Variants in ZFR observed in about 807,000 individuals in gnomAD.
The protein encoded by ZFR is zinc finger RNA-binding protein.
Under a neutral mutation model 130.7 loss-of-function variants are expected in ZFR, and 19 were observed. That is an observed-to-expected ratio of 0.15 (90% CI 0.10 to 0.21). ZFR has a LOEUF of 0.21. Ranked by LOEUF, ZFR falls within the 10% of genes least tolerant of loss-of-function variation. The pLI is 1.00. For synonymous variants in ZFR, 466 were observed against 456.9 expected (o/e 1.02, Z -0.25); for missense variants, 872 against 1,321.5 (o/e 0.66, Z 5.27).
At chr5:32,365,781 G>A (rs1172423254) in intron 17 of ZFR, among the ~76,000 whole-genome samples, 1 of 151,978 alleles carries the variant, frequency 6.6e-6, no homozygotes, top group Admixed American at 6.5e-5. Flanking sequence ...GCTAATTTTT[G>A]TAGAGATGGG....
At chr5:32,425,394 A>C (rs1028909098) in intron 2 of ZFR, among the ~76,000 whole-genome samples, 2 of 128,218 alleles carry the variant, frequency 1.6e-5, no homozygotes, top group African/African-American at 3.1e-5. Flanking sequence ...CAACAGTCTG[A>C]ATGCAAAAGC....
chr5:32,401,054 T>C (rs1375078299), intron 8 of ZFR, among the ~76,000 whole-genome samples: 4 of 152,210 alleles, frequency 2.6e-5, no homozygotes, highest in African/African-American at 7.2e-5. Context: ...AAACTGAAAG[T>C]ATGAAGAACC....
In ZFR at chr5:32,403,213, G is replaced by T; in HGVS notation, c.1409C>A (p.Thr470Lys). Residue 470 changes from threonine to lysine, a missense_variant, in exon 8 of 20, where the codon ACG (threonine) becomes AAG (lysine). Thr to Lys is a moderately conservative substitution (Grantham distance 78, BLOSUM62 -1). Coordinates refer to ENST00000265069, the MANE Select transcript of ZFR (RefSeq NM_016107.5). ...ATTAAGAGACGAGTTTCCTGTAGTC[G>T]TAAGACCCTTCATTGAAGACGTTGC... ...SVATSSMKGL[T>K]TTGNSSLNST... The T allele has an allele frequency of 1.2e-6, 2 of 1,614,198 alleles. No homozygotes were observed. The highest frequency in any genetic ancestry group is 2.2e-5 in the East Asian group (1 of 44,884).
chr5:32,385,576 T>C lies in ZFR; in HGVS notation c.2573A>G (p.Glu858Gly). The C allele has an allele frequency of 6.2e-7, 1 of 1,613,582 alleles. No homozygotes were observed. Among genetic ancestry groups the C allele is most frequent in the Non-Finnish European group, 8.5e-7 (1 of 1,179,588 alleles). Residue 858 changes from glutamate (E) to glycine (G), a missense_variant, in exon 15 of 20, where the codon GAA becomes GGA. Transcript: ENST00000265069. ...EAAIILNSCVEPKMQVTITLT... is the reference protein window; with the variant it reads ...EAAIILNSCVGPKMQVTITLT... ...TGTGATAGTGACTTGCATTTTGGGT[T>C]CCACACATGAATTCAAAATTATTGC... is the stretch of plus-strand genomic sequence containing the variant.
chr5:32,394,239 G>A (rs1255567238), intron 11 of ZFR: 1 of 160,268 alleles, frequency 6.2e-6, no homozygotes, highest in South Asian at 2.1e-4. Context: ...TAAACAAAAT[G>A]TGGTACATAA....
intron 4 of ZFR, 144 bp downstream of exon 4, chr5:32,417,504 C>A: frequency 1.1e-6 from 1 of 897,732 alleles, no homozygotes. Context: ...GACTCCAAGG[C>A]ATTTAGTAGG....
intron 17 of ZFR, among the ~76,000 whole-genome samples, chr5:32,366,209 A>G (rs954009112): frequency 2.6e-5 from 4 of 152,234 alleles, no homozygotes; most frequent in Non-Finnish European, 4.4e-5. Context: ...AGTAATAATT[A>G]GCAAAATATT....
chr5:32,428,091 G>A (rs1432328283), intron 2 of ZFR, among the ~76,000 whole-genome samples: 1 of 152,128 alleles, frequency 6.6e-6, no homozygotes. Context: ...CAAAAGCACA[G>A]GCAAAAAATT....
At position 32,415,045 on chromosome 5, in the gene ZFR, T is replaced by C. The variant is rs1320173305; in HGVS notation, c.708A>G (p.Pro236=). Residue 236 remains proline (P), a synonymous_variant, in exon 5 of 20, where the codon CCA becomes CCG. Coordinates refer to ENST00000265069, the MANE Select transcript of ZFR (RefSeq NM_016107.5). ...GCACCACAGTAGCCGCAGCTGCTAC[T>C]GGCTGTACGGTGGAGGATACAGGAT... ...SIYPVSSTVQ[P]VAAAATVVPS... 2 of 1,614,152 alleles carry C rather than the reference T, an allele frequency of 1.2e-6. No individual in the cohort carries two copies. Among genetic ancestry groups the C allele is most frequent in the Admixed American group, 1.7e-5 (1 of 60,026 alleles).
rs1455763252 is a variant in ZFR, at chr5:32,388,748, C to T, written c.2143-74G>A. 8.5e-6 allele frequency: 11 copies of T among 1,290,458 alleles called. No individual in the cohort carries two copies. In the Admixed American group the frequency reaches 1.7e-4, roughly 20 times the overall value. The allele number at this position is 1,290,458 out of a possible 1,614,324, so 79.9% of individuals were successfully genotyped here. A position where few individuals can be genotyped will look rare whatever the true frequency, so the allele number is the denominator to read the frequency against. ...AAGCAAATTATATTTTTCAACTATACATATTTGTTGTATCTTTTCAATAAG... is the reference window on the plus strand; with the variant it reads ...AAGCAAATTATATTTTTCAACTATATATATTTGTTGTATCTTTTCAATAAG... On this transcript the variant is annotated intron_variant, in intron 12 of 19. Transcript: ENST00000265069.
At chr5:32,396,610 T>C (rs888796699) in intron 10 of ZFR, among the ~76,000 whole-genome samples, 16 of 152,026 alleles carry the variant, frequency 1.1e-4, no homozygotes, top group Non-Finnish European at 1.8e-4. Flanking sequence ...TGGGGGTGCA[T>C]GCCTGTAATC....
chr5:32,357,884 G>A (rs1374239998), intron 19 of ZFR, among the ~76,000 whole-genome samples: 1 of 152,150 alleles, frequency 6.6e-6, no homozygotes, highest in African/African-American at 2.4e-5. Flanking sequence ...CATCAGGTCT[G>A]TCATACATTA....
intron 2 of ZFR, among the ~76,000 whole-genome samples, chr5:32,442,982 TC>T (rs66464629): frequency 1 from 151,960 of 152,118 alleles, 75,903 homozygotes; most frequent in Middle Eastern, 1. Context: ...GAGGCAGGAC[TC>T]TGCCCAGGAG....
In ZFR at chr5:32,403,401, T is replaced by G. The variant is rs199844679; in HGVS notation, c.1225-4A>C. ...GTTTTGTGTGTAACTTAACCACCTA[T>G]AAAACAAAAGCACACTTATTTGTCA... On this transcript the variant is annotated splice_polypyrimidine_tract_variant and splice_region_variant and intron_variant, in intron 7 of 19. Coordinates refer to ENST00000265069, the MANE Select transcript of ZFR (RefSeq NM_016107.5). The G allele has an allele frequency of 6.2e-7, 1 of 1,607,810 alleles. No homozygotes were observed. Among genetic ancestry groups the G allele is most frequent in the Non-Finnish European group, 8.5e-7 (1 of 1,175,484 alleles).
At chr5:32,442,277 C>T (rs1424225637) in intron 2 of ZFR, among the ~76,000 whole-genome samples, 1 of 152,156 alleles carries the variant, frequency 6.6e-6, no homozygotes, top group Non-Finnish European at 1.5e-5. Context: ...TAATTGCCAG[C>T]AGATTTATGG....
intron 15 of ZFR, among the ~76,000 whole-genome samples, chr5:32,384,886 T>C (rs1753001242): frequency 6.6e-6 from 1 of 152,164 alleles, no homozygotes; most frequent in East Asian, 1.9e-4. Flanking sequence ...ACACAGTTTA[T>C]TTTTCAGTAT....
chr5:32,395,939 G>C (rs1414100930), intron 10 of ZFR, among the ~76,000 whole-genome samples: 2 of 152,100 alleles, frequency 1.3e-5, no homozygotes, highest in African/African-American at 4.8e-5. Context: ...GAAGTTTTTA[G>C]GGAGTCAAAA....
chr5:32,392,541 T>C lies in ZFR; in HGVS notation c.1980-2104A>G, dbSNP rs572209225. On this transcript the variant is annotated intron_variant, in intron 11 of 19. Transcript: ENST00000265069. Reference sequence around the variant, plus strand: ...CAAGCAATTTACCACAAAAGAAGTATAAATAGCCAAACATGAAAACAATTC... The same window carrying C: ...CAAGCAATTTACCACAAAAGAAGTACAAATAGCCAAACATGAAAACAATTC... 2.6e-5 allele frequency among the ~76,000 whole-genome samples: 4 copies of C among 152,180 alleles called. No individual in the cohort carries two copies. The South Asian group carries it at 8.3e-4, about 32-fold the overall frequency.
intron 11 of ZFR, among the ~76,000 whole-genome samples, chr5:32,392,865 G>A (rs768917432): frequency 5.9e-5 from 9 of 152,142 alleles, no homozygotes; most frequent in Non-Finnish European, 1.3e-4. Context: ...CGTGATGGCA[G>A]GTGCCTGTAA....
Sources: gnomAD v4.1 joint callset for allele counts (sites outside exome capture counted in the v4.1 genomes callset) on GRCh38, gnomAD v4.1.1 for gene constraint, MANE v1.5 for transcripts, NCBI Gene and HGNC (gene_info 2026-07-23, HGNC 2026-07-21) for gene names.